Variants in PRKG1 observed in about 807,000 individuals in gnomAD.
PRKG1 encodes cGMP-dependent protein kinase 1.
In PRKG1, 35 loss-of-function variants were observed where a neutral mutation model predicts 88.1. The ratio of observed to expected loss-of-function variants is 0.40; its 90% confidence interval spans 0.30 to 0.53. The LOEUF is 0.53. PRKG1 is among the 20% of genes least tolerant of loss of function. PRKG1 has a pLI of 0.59. For missense variants in PRKG1, 540 were observed against 839.8 expected, an observed-to-expected ratio of 0.64 and a Z score of 4.41; for synonymous variants, 303 against 292.5, an observed-to-expected ratio of 1.04 and a Z score of -0.37.
At chr10:51,381,256 T>TAA (rs71029366) in intron 2 of PRKG1, among the ~76,000 whole-genome samples, 22 of 32,050 alleles carry the variant, frequency 6.9e-4, no homozygotes, top group African/African-American at 2.0e-3. Flanking sequence ...GCCTCCATCT[T>TAA]AAAAAAAAAA....
chr10:51,368,351 C>A (rs545064719), intron 2 of PRKG1, among the ~76,000 whole-genome samples: 2 of 152,102 alleles, frequency 1.3e-5, no homozygotes, highest in Admixed American at 6.6e-5. Context: ...CTTCTCTTGA[C>A]TTTTTAATAG....
chr10:51,483,669 G>C (rs1201904880), intron 3 of PRKG1, among the ~76,000 whole-genome samples: 1 of 152,168 alleles, frequency 6.6e-6, no homozygotes, highest in Non-Finnish European at 1.5e-5. Flanking sequence ...ATGTGTGACA[G>C]GCCTTCAAGG....
intron 3 of PRKG1, among the ~76,000 whole-genome samples, chr10:51,772,806 A>T (rs373128700): frequency 1.4e-4 from 22 of 152,230 alleles, no homozygotes; most frequent in African/African-American, 5.3e-4. Context: ...TTGAAAAGCA[A>T]GTTTTGAAAT....
rs1411482139 is a variant in PRKG1, at chr10:51,011,728, A to G, written c.266+20084A>G. ...TAGAATCACTAATGGAAAATGTGCCATTCTTGCCTTACTCTGGGTTCAGTT... is the reference window on the plus strand; with the variant it reads ...TAGAATCACTAATGGAAAATGTGCCGTTCTTGCCTTACTCTGGGTTCAGTT... On this transcript the variant is annotated intron_variant, in intron 1 of 17. Transcript: ENST00000401604. Among the ~76,000 whole-genome samples the G allele has an allele frequency of 2.0e-5, 3 of 152,350 alleles. No homozygotes were observed. In the East Asian group the frequency reaches 5.8e-4, roughly 29 times the overall value.
intron 9 of PRKG1, among the ~76,000 whole-genome samples, chr10:52,200,129 C>T (rs766063279): frequency 7.2e-5 from 11 of 151,904 alleles, no homozygotes; most frequent in Non-Finnish European, 1.2e-4. Context: ...GGATTGTGGG[C>T]GTTTGATGTA....
chr10:51,795,885 A>G (rs769925792), intron 3 of PRKG1, among the ~76,000 whole-genome samples: 1 of 152,066 alleles, frequency 6.6e-6, no homozygotes, highest in Non-Finnish European at 1.5e-5. Flanking sequence ...TTTAAATGAG[A>G]CTTACCTACT....
chr10:51,074,357 T>A (rs1843889084), upstream of PRKG1: 1 of 1,114,856 alleles, frequency 9.0e-7, no homozygotes, highest in African/African-American at 1.6e-5. Flanking sequence ...TGGTTTGCTC[T>A]CCCCGCTCTG....
intron 1 of PRKG1, among the ~76,000 whole-genome samples, chr10:51,076,816 T>G (rs1843965022): frequency 6.6e-6 from 1 of 152,120 alleles, no homozygotes; most frequent in Non-Finnish European, 1.5e-5. Flanking sequence ...TATAATAACA[T>G]TTTATCTATC....
At chr10:52,064,621 G>A (rs924716103) in intron 7 of PRKG1, among the ~76,000 whole-genome samples, 33 of 152,312 alleles carry the variant, frequency 2.2e-4, no homozygotes, top group African/African-American at 7.2e-4. Flanking sequence ...TTGGGTGGCT[G>A]CAGCCTTGCC....
chr10:52,070,834 C>G (rs1451984751), intron 7 of PRKG1, among the ~76,000 whole-genome samples: 1 of 152,178 alleles, frequency 6.6e-6, no homozygotes, highest in Non-Finnish European at 1.5e-5. Context: ...TTTAGAAGTT[C>G]TACTTGGTGC....
intron 3 of PRKG1, among the ~76,000 whole-genome samples, chr10:51,657,251 A>G (rs964678131): frequency 6.6e-6 from 1 of 151,974 alleles, no homozygotes. Flanking sequence ...ACTCTCATTT[A>G]TATGGTTTTT....
At position 51,850,812 on chromosome 10, in the gene PRKG1, A is replaced by C. The variant is rs548262450; in HGVS notation, c.698+46122A>C. Among the ~76,000 whole-genome samples the C allele has an allele frequency of 3.3e-5, 5 of 152,320 alleles. No homozygotes were observed. The South Asian group carries it at 1.0e-3, about 32-fold the overall frequency. On this transcript the variant is annotated intron_variant, in intron 4 of 17. Transcript: ENST00000373980. ...TTTCTCACCTTTTAGATTGGTAAAC[A>C]TTCCAACTATGACAACATACTCTTT... is the stretch of plus-strand genomic sequence containing the variant.
chr10:52,257,730 T>G lies in PRKG1; in HGVS notation c.1173+6064T>G, dbSNP rs528571298. On this transcript the variant is annotated intron_variant, in intron 10 of 17. Transcript: ENST00000373980. ...ATTATTAAATATGTAATTCTCATGT[T>G]ATGTTTATTCTTCAAAAGAATAAAA... is the stretch of plus-strand genomic sequence containing the variant. Among the ~76,000 whole-genome samples, 170 of 139,916 alleles carry G rather than the reference T, an allele frequency of 1.2e-3. 33 individuals are homozygous for G. The highest frequency in any genetic ancestry group is 2.2e-3 in the Non-Finnish European group (135 of 61,904). The allele number at this position is 139,916 out of a possible 152,430, so 91.8% of individuals were successfully genotyped here.
At chr10:51,397,841 A>G (rs1293397680) in intron 2 of PRKG1, among the ~76,000 whole-genome samples, 1 of 152,178 alleles carries the variant, frequency 6.6e-6, no homozygotes, top group Non-Finnish European at 1.5e-5. Context: ...GTACTTTGGC[A>G]GGGCTTGCTA....
At chr10:51,596,099 G>C (rs1046930638) in intron 3 of PRKG1, among the ~76,000 whole-genome samples, 1 of 152,128 alleles carries the variant, frequency 6.6e-6, no homozygotes, top group Non-Finnish European at 1.5e-5. Flanking sequence ...AAAGTGCTGG[G>C]ATTACAGGCG....
intron 3 of PRKG1, among the ~76,000 whole-genome samples, chr10:51,588,349 A>G (rs1358914910): frequency 2.6e-5 from 2 of 77,550 alleles, no homozygotes; most frequent in East Asian, 8.9e-4. Flanking sequence ...TAGAACAGAG[A>G]TTTGGAAATT....
intron 3 of PRKG1, among the ~76,000 whole-genome samples, chr10:51,558,924 C>T (rs1837385128): frequency 6.6e-6 from 1 of 152,028 alleles, no homozygotes; most frequent in Non-Finnish European, 1.5e-5. Context: ...TCTATAGTTT[C>T]AGTTACCCAG....
At chr10:51,472,674 T>A (rs1199581380) in intron 3 of PRKG1, among the ~76,000 whole-genome samples, 4 of 151,948 alleles carry the variant, frequency 2.6e-5, no homozygotes, top group African/African-American at 9.7e-5. Context: ...AGATTTATGA[T>A]AAAGACACAT....
At chr10:52,026,881 A>G (rs1480783548) in intron 5 of PRKG1, among the ~76,000 whole-genome samples, 1 of 152,188 alleles carries the variant, frequency 6.6e-6, no homozygotes, top group African/African-American at 2.4e-5. Context: ...AGGCTGAGGC[A>G]GGAGAATGGC....
Sources: allele counts gnomAD v4.1 joint callset (sites outside exome capture counted in the v4.1 genomes callset), GRCh38; gene constraint gnomAD v4.1.1; transcripts MANE v1.5; gene names NCBI Gene and HGNC (gene_info 2026-07-23, HGNC 2026-07-21).